Variants in TMC8 observed in about 807,000 individuals in gnomAD.
The protein encoded by TMC8 is transmembrane channel like 8, also known as transmembrane channel-like protein 8.
A neutral mutation model predicts 76.0 loss-of-function variants in TMC8; 71 were observed. The ratio of observed to expected loss-of-function variants is 0.93; its 90% CI spans 0.77 to 1.14. The LOEUF is 1.14. Among genes scored for constraint, TMC8 ranks in the 50% most tolerant of loss-of-function variants. TMC8 has a pLI of 0.00. For synonymous variants in TMC8, 433 were observed against 433.8 expected (o/e 1.00, Z 0.02); for missense variants, 924 against 947.9 (o/e 0.97, Z 0.33).
In TMC8 at chr17:78,132,404, TCCTGCTGCTACTCAA is replaced by T; in HGVS notation, c.352_366del (p.Leu118_Leu122del). The T allele has an allele frequency of 6.2e-7, 1 of 1,613,044 alleles. No individual in the cohort carries two copies. Among genetic ancestry groups the T allele is most frequent in the South Asian group, 1.1e-5 (1 of 90,928 alleles). On this transcript the variant is annotated inframe_deletion, in exon 4 of 16. Transcript: ENST00000318430. Reference sequence around the variant, plus strand: ...CGGTCCTACTTCACCTTCCTCCGCTTCCTGCTGCTACTCAACCTGCTGAGCCTGCTGCTCACCGCA... The same window carrying T: ...CGGTCCTACTTCACCTTCCTCCGCTTCCTGCTGAGCCTGCTGCTCACCGCA...
At chr17:78,134,825 G>A (rs1598912282) in intron 8 of TMC8, 45 bp from the exon 9 acceptor site, 1 of 1,610,936 alleles carries the variant, frequency 6.2e-7, no homozygotes, top group African/African-American at 1.3e-5. Context: ...GAGCAGACAG[G>A]GGCCCCCCAG....
rs757215882 is a variant in TMC8, at chr17:78,138,644, G to T, written c.1735G>T (p.Val579Leu). 6.2e-7 allele frequency: 1 copy of T among 1,613,906 alleles called. No individual in the cohort carries two copies. Among genetic ancestry groups the T allele is most frequent in the South Asian group, 1.1e-5 (1 of 91,090 alleles). The stretch of plus-strand genomic sequence containing the variant: ...ACCCTGGCAAGTGGTCCCGGAGCTG[G>T]TGGCCCTTGGGCTCCCGCCCATTGG... ...SAPWQVVPEL[V>L]ALGLPPIGQR... The change falls in exon 14 of 16, where the codon GTG becomes TTG. Residue 579 changes from valine (V) to leucine (L), a missense_variant. Val to Leu is a conservative substitution (Grantham distance 32). Coordinates refer to ENST00000318430, the MANE Select transcript of TMC8 (RefSeq NM_152468.5).
intron 4 of TMC8, 101 bp from the exon 5 acceptor site, chr17:78,132,687 T>A: frequency 3.3e-6 from 5 of 1,515,054 alleles, no homozygotes; most frequent in Non-Finnish European, 4.6e-6. Flanking sequence ...CTCAGCCCCC[T>A]GCCCAGGCCT....
In TMC8 at chr17:78,140,909, G is replaced by C; in HGVS notation, c.1978G>C (p.Gly660Arg). ...GGAGCCAGGCCCGAGCGACTCTCCGGGCCCCAAGTACCCTGCCTCCCAAGC... is the reference window on the plus strand; with the variant it reads ...GGAGCCAGGCCCGAGCGACTCTCCGCGCCCCAAGTACCCTGCCTCCCAAGC... ...LPEPGPSDSP[G>R]PKYPASQASR... Residue 660 changes from glycine (G) to arginine (R), a missense_variant, in exon 16 of 16, where the codon GGC (glycine) becomes CGC (arginine). By Grantham distance (125) the Gly-to-Arg change is moderately radical. Transcript: ENST00000318430. 6.2e-7 allele frequency: 1 copy of C among 1,607,088 alleles called. No individual in the cohort carries two copies.
chr17:78,133,064 A>G (rs2075078492), intron 5 of TMC8, among the ~76,000 whole-genome samples, 194 bp downstream of exon 5: 1 of 151,942 alleles, frequency 6.6e-6, no homozygotes, highest in African/African-American at 2.4e-5. Flanking sequence ...CCCAACATAG[A>G]CTCATGGACA....
In TMC8 at chr17:78,134,920, G is replaced by A. The variant is rs759432585; in HGVS notation, c.1038G>A (p.Leu346=). ...LQYLPPGVIA[L]VNFLGPLLFT... is the part of the protein sequence containing the mutation. ...ACCTGCCCCCTGGGGTCATCGCCCT[G>A]GTCAACTTCCTGGGTCCCCTGCTGT... Residue 346 remains leucine, a synonymous_variant, in exon 9 of 16, where the codon CTG becomes CTA. Coordinates refer to ENST00000318430, the MANE Select transcript of TMC8 (RefSeq NM_152468.5). The A allele has an allele frequency of 1.9e-6, 3 of 1,614,088 alleles. No homozygotes were observed. Among genetic ancestry groups the A allele is most frequent in the Admixed American group, 3.3e-5 (2 of 60,024 alleles).
intron 15 of TMC8, among the ~76,000 whole-genome samples, chr17:78,140,522 T>G (rs868571331): frequency 6.7e-6 from 1 of 150,264 alleles, no homozygotes; most frequent in Non-Finnish European, 1.5e-5. Context: ...GGGCGTGGTC[T>G]CAGGGTGCGT....
In TMC8 at chr17:78,133,906, C is replaced by T. The variant is rs2075129816; in HGVS notation, c.722C>T (p.Pro241Leu). The T allele has an allele frequency of 1.2e-6, 2 of 1,613,550 alleles. No individual in the cohort carries two copies. The highest frequency in any genetic ancestry group is 2.2e-5 in the East Asian group (1 of 44,882). The stretch of plus-strand genomic sequence containing the variant: ...CTGCTGGGTCAGGGCTATCAGGCGC[C>T]TCTCAGCGCCAAGGTCTTCTCCTCA... ...KTLLGQGYQA[P>L]LSAKVFSSWD... The change falls in exon 7 of 16, where the codon CCT (proline) becomes CTT (leucine). Residue 241 changes from proline to leucine, a missense_variant. Coordinates refer to ENST00000318430, the MANE Select transcript of TMC8 (RefSeq NM_152468.5).
At chr17:78,132,922 C>T in intron 5 of TMC8, 52 bp downstream of exon 5, 1 of 1,598,096 alleles carries the variant, frequency 6.3e-7, no homozygotes, top group Non-Finnish European at 8.6e-7. Flanking sequence ...ACCCAGGGAA[C>T]TGGCTTCAGG....
intron 6 of TMC8, 56 bp downstream of exon 6, chr17:78,133,598 C>T: frequency 6.2e-7 from 1 of 1,601,890 alleles, no homozygotes; most frequent in South Asian, 1.1e-5. Context: ...CCTGATCACC[C>T]CTTCCTTGGC....
In TMC8 at chr17:78,133,386, A is replaced by G; in HGVS notation, c.532-20A>G. The G allele has an allele frequency of 6.2e-7, 1 of 1,613,626 alleles. No homozygotes were observed. Among genetic ancestry groups the G allele is most frequent in the Non-Finnish European group, 8.5e-7 (1 of 1,180,012 alleles). On this transcript the variant is annotated intron_variant, in intron 5 of 15. Transcript: ENST00000318430. ...AGCCTGGTGCTCACCCGGGCTGGGT[A>G]TCTTCGTCGCTGTCCCCAGGCCTTC...
chr17:78,139,015 G>A (rs755868941), intron 14 of TMC8, 147 bp from the exon 15 acceptor site: 4 of 1,573,296 alleles, frequency 2.5e-6, no homozygotes, highest in Non-Finnish European at 3.4e-6. Context: ...AGGAAGGAGA[G>A]GAGGGTCCCA....
intron 3 of TMC8, 154 bp downstream of exon 3, chr17:78,132,184 C>G: frequency 7.1e-7 from 1 of 1,405,666 alleles, no homozygotes; most frequent in Non-Finnish European, 9.7e-7. Context: ...CCGCAGGCAC[C>G]GCAAACCTCG....
At chr17:78,138,814 C>T in intron 14 of TMC8, 82 bp downstream of exon 14, 4 of 1,585,014 alleles carry the variant, frequency 2.5e-6, no homozygotes, top group Non-Finnish European at 2.6e-6. Flanking sequence ...AGCCTGTGCA[C>T]CCCCAACCAG....
chr17:78,140,908 G>A lies in TMC8; in HGVS notation c.1977G>A (p.Pro659=), dbSNP rs752384754. The change falls in exon 16 of 16, where the codon CCG becomes CCA. Residue 659 remains proline, a synonymous_variant. Coordinates refer to ENST00000318430, the MANE Select transcript of TMC8 (RefSeq NM_152468.5). ...LLPEPGPSDS[P]GPKYPASQAS... Reference sequence around the variant, plus strand: ...CGGAGCCAGGCCCGAGCGACTCTCCGGGCCCCAAGTACCCTGCCTCCCAAG... The same window carrying A: ...CGGAGCCAGGCCCGAGCGACTCTCCAGGCCCCAAGTACCCTGCCTCCCAAG... 6.1e-5 allele frequency: 98 copies of A among 1,606,756 alleles called. No individual in the cohort carries two copies. Among genetic ancestry groups the A allele is most frequent in the Non-Finnish European group, 3.1e-5 (36 of 1,177,514 alleles).
In TMC8 at chr17:78,138,387, C is replaced by T. The variant is rs2075290844; in HGVS notation, c.1572C>T (p.Pro524=). The change falls in exon 13 of 16, where the codon CCC becomes CCT. Residue 524 remains proline (P), a synonymous_variant. Coordinates refer to ENST00000318430, the MANE Select transcript of TMC8 (RefSeq NM_152468.5). ...LLKNSRASSR[P]FRASSSTFFF... is the part of the protein sequence containing the mutation. Reference sequence around the variant, plus strand: ...AGAACTCCAGGGCATCTTCGCGGCCCTTCCGTGCCTCCAGCTCCACCTTCT... The same window carrying T: ...AGAACTCCAGGGCATCTTCGCGGCCTTTCCGTGCCTCCAGCTCCACCTTCT... 3.1e-6 allele frequency: 5 copies of T among 1,612,018 alleles called. No individual in the cohort carries two copies. In the South Asian group the frequency reaches 4.4e-5, roughly 14 times the overall value.
Position 78,137,829 on chromosome 17 carries a change from G to A in TMC8, c.1349+15G>A. ...CTGCCTCGGAGGTGAGCCCCGGGGT[G>A]ACACCTCCAGAAGGGCGGGGGTGCC... is the stretch of plus-strand genomic sequence containing the variant. On this transcript the variant is annotated intron_variant, in intron 11 of 15. Transcript: ENST00000318430. The A allele has an allele frequency of 6.2e-7, 1 of 1,611,586 alleles. No homozygotes were observed. Among genetic ancestry groups the A allele is most frequent in the Non-Finnish European group, 8.5e-7 (1 of 1,179,402 alleles).
At chr17:78,138,763 GAC>G in intron 14 of TMC8, 31 bp downstream of exon 14, 1 of 1,601,082 alleles carries the variant, frequency 6.2e-7, no homozygotes, top group Non-Finnish European at 8.5e-7. Flanking sequence ...CATGGGAGGG[GAC>G]ACCTGGAGGG....
At position 78,141,156 on chromosome 17, in the gene TMC8, G is replaced by C. The variant is rs746987125; in HGVS notation, c.*44G>C. On this transcript the variant is annotated 3_prime_UTR_variant, in exon 16 of 16. Coordinates refer to ENST00000318430, the MANE Select transcript of TMC8 (RefSeq NM_152468.5). The stretch of plus-strand genomic sequence containing the variant: ...CGAAGCCTCCCTGGGGCCCCTTCAG[G>C]CCTCCTTACTCCATCTTCCAGACCC... The C allele has an allele frequency of 2.0e-6, 3 of 1,494,504 alleles. No homozygotes were observed. The Admixed American group carries it at 6.4e-5, about 32-fold the overall frequency. 92.6% of individuals were successfully genotyped at this position (1,494,504 alleles called of 1,614,324 possible).
Sources: allele counts gnomAD v4.1 joint callset (sites outside exome capture counted in the v4.1 genomes callset), GRCh38; gene constraint gnomAD v4.1.1; transcripts MANE v1.5; gene names NCBI Gene and HGNC (gene_info 2026-07-23, HGNC 2026-07-21).